Variants in TFAP2A observed in about 807,000 individuals in gnomAD.
TFAP2A encodes the protein transcription factor AP-2-alpha.
In TFAP2A, 7 loss-of-function variants were observed where a neutral mutation model predicts 41.5. That is an observed-to-expected ratio of 0.17 (90% confidence interval 0.10 to 0.32). TFAP2A has a LOEUF of 0.32. Among genes scored for constraint, TFAP2A ranks in the 10% least tolerant of loss-of-function variants. The probability of loss-of-function intolerance (pLI) is 1.00; values close to 1 mark genes in which losing one functional copy is unlikely to be tolerated. For synonymous variants in TFAP2A, 247 were observed against 242.8 expected (o/e 1.02, Z -0.16); for missense variants, 416 against 563.3 (o/e 0.74, Z 2.65).
chr6:10,404,420 C>T (rs1294397213), intron 4 of TFAP2A, 88 bp downstream of exon 4: 2 of 981,274 alleles, frequency 2.0e-6, no homozygotes, highest in Non-Finnish European at 1.4e-6. Flanking sequence ...GGCGCGAGGC[C>T]TGTTTGCGTC....
Position 10,402,413 on chromosome 6 carries a change from C to T in TFAP2A, c.889+79G>A, listed in dbSNP as rs772569602. ...GAAACTGCCCAACTGACATAAAATA[C>T]GACCAAACATCTGGCCACTAAATAT... On this transcript the variant is annotated intron_variant, in intron 5 of 6. Transcript: ENST00000379613. 5.3e-5 allele frequency: 56 copies of T among 1,060,470 alleles called. No individual in the cohort carries two copies. In the African/African-American group the frequency reaches 7.0e-4, roughly 13 times the overall value. 65.7% of individuals were successfully genotyped at this position (1,060,470 alleles called of 1,614,324 possible).
At chr6:10,405,541 A>G (rs1470305239) in intron 3 of TFAP2A, 2 of 152,002 alleles carry the variant, frequency 1.3e-5, no homozygotes, top group Non-Finnish European at 2.9e-5. Flanking sequence ...TATACTTCCT[A>G]GTTAAAACCA....
intron 5 of TFAP2A, chr6:10,402,242 T>C (rs1171433493): frequency 1.7e-6 from 1 of 579,704 alleles, no homozygotes; most frequent in African/African-American, 1.9e-5. Context: ...ACTTGTGCGT[T>C]GTTTAGCTCA....
At chr6:10,419,361 C>A (rs933316101), upstream of TFAP2A, 7 of 1,586,108 alleles carry the variant, frequency 4.4e-6, no homozygotes, top group South Asian at 6.6e-5. Context: ...CGCTCCGGCC[C>A]CCTCCCCTAC....
At position 10,414,997 on chromosome 6, in the gene TFAP2A, G is replaced by C. The variant is rs1163705685; in HGVS notation, c.-6C>G. 6.2e-7 allele frequency: 1 copy of C among 1,614,106 alleles called. No individual in the cohort carries two copies. The highest frequency in any genetic ancestry group is 1.1e-5 in the South Asian group (1 of 91,068). ...AATTTCCAAAGCATTTTCATGGATC[G>C]GCGTGAACGGATATGCCCCTCTCGG... On this transcript the variant is annotated 5_prime_UTR_variant, in exon 1 of 7. Coordinates refer to ENST00000379613, the MANE Select transcript of TFAP2A (RefSeq NM_001372066.1).
At chr6:10,414,439 T>G in intron 1 of TFAP2A, 1 of 258,556 alleles carries the variant, frequency 3.9e-6, no homozygotes. Context: ...GGGAACCGCT[T>G]TAGAAGTGGG....
At chr6:10,400,135 T>G (rs961236210) in intron 6 of TFAP2A, among the ~76,000 whole-genome samples, 7 of 151,956 alleles carry the variant, frequency 4.6e-5, no homozygotes, top group Admixed American at 4.6e-4. Context: ...GATTCTGGTC[T>G]TTCTGAAACA....
At chr6:10,407,492 TTTC>T (rs893837375) in intron 2 of TFAP2A, 1 of 150,696 alleles carries the variant, frequency 6.6e-6, no homozygotes, top group African/African-American at 2.4e-5. Context: ...TGTTTTTCTT[TTTC>T]TTTTCTTTTT....
At chr6:10,404,455 C>G in intron 4 of TFAP2A, 53 bp downstream of exon 4, 1 of 1,361,558 alleles carries the variant, frequency 7.3e-7, no homozygotes, top group Non-Finnish European at 9.6e-7. Flanking sequence ...GGCGCAAGCG[C>G]AGTGGTTCCC....
At chr6:10,419,491 G>A, upstream of TFAP2A, 2 of 1,613,930 alleles carry the variant, frequency 1.2e-6, no homozygotes, top group Admixed American at 1.7e-5. Context: ...CGCCGGGCAT[G>A]GGCTGGAGGG....
chr6:10,414,851 C>T, intron 1 of TFAP2A, 90 bp downstream of exon 1: 1 of 1,570,456 alleles, frequency 6.4e-7, no homozygotes. Flanking sequence ...ACCCGCGTTT[C>T]GCAGCTGGTT....
At chr6:10,400,763 G>A in intron 5 of TFAP2A, 174 bp from the exon 6 acceptor site, 1 of 798,414 alleles carries the variant, frequency 1.3e-6, no homozygotes, top group Non-Finnish European at 2.1e-6. Context: ...TCTGGTGGAT[G>A]CATTTATCAG....
chr6:10,408,238 G>C (rs1757802490), intron 2 of TFAP2A, among the ~76,000 whole-genome samples: 2 of 152,272 alleles, frequency 1.3e-5, no homozygotes, highest in South Asian at 4.1e-4. Context: ...TCCTTTGAAA[G>C]AATTTTTTTC....
intron 1 of TFAP2A, chr6:10,411,652 C>A (rs1561715240): frequency 1.2e-6 from 2 of 1,611,772 alleles, no homozygotes; most frequent in South Asian, 1.1e-5. Flanking sequence ...AAGCCTGGAG[C>A]GCCCGGCTGC....
chr6:10,405,973 C>G (rs1757697345), intron 3 of TFAP2A: 1 of 152,174 alleles, frequency 6.6e-6, no homozygotes, highest in Non-Finnish European at 1.5e-5. Context: ...GTGACAAAGA[C>G]TTCACAGATG....
intron 1 of TFAP2A, chr6:10,414,635 A>G (rs1043894612): frequency 3.0e-5 from 16 of 530,068 alleles, no homozygotes; most frequent in Non-Finnish European, 4.8e-5. Context: ...CCCAGTTGCC[A>G]GCAATTGCTT....
At position 10,409,966 on chromosome 6, in the gene TFAP2A, C is replaced by T. The variant is rs1757882910; in HGVS notation, c.421G>A (p.Ala141Thr). 8.2e-6 allele frequency: 13 copies of T among 1,580,346 alleles called. No individual in the cohort carries two copies. Among genetic ancestry groups the T allele is most frequent in the African/African-American group, 1.3e-5 (1 of 74,110 alleles). ...RHEDLLHGPHALSSGLGDLSI... is the reference protein window; with the variant it reads ...RHEDLLHGPHTLSSGLGDLSI... The stretch of plus-strand genomic sequence containing the variant: ...AGGTCTCCGAGTCCTGAGCTGAGCG[C>T]GTGTGGGCCGTGCAGGAGGTCCTCG... The change falls in exon 2 of 7, where the codon GCG becomes ACG. Residue 141 changes from alanine to threonine, a missense_variant. Physicochemically the swap from Ala to Thr is moderately conservative, Grantham distance 58 (BLOSUM62 0). Around this residue, in one of 3 missense-constraint regions of TFAP2A, gnomAD observed 241 missense variants for 274.1 expected, o/e 0.88. Coordinates refer to ENST00000379613, the MANE Select transcript of TFAP2A (RefSeq NM_001372066.1).
At chr6:10,407,936 C>T (rs895344570) in intron 2 of TFAP2A, 1 of 152,210 alleles carries the variant, frequency 6.6e-6, no homozygotes, top group African/African-American at 2.4e-5. Context: ...TCAGAAATGA[C>T]TACTGCTGCA....
chr6:10,398,844 C>CA lies in TFAP2A; in HGVS notation c.1032-140dup. 3 of 974,674 alleles carry CA rather than the reference C, an allele frequency of 3.1e-6. No individual in the cohort carries two copies. Among genetic ancestry groups the CA allele is most frequent in the Non-Finnish European group, 4.5e-6 (3 of 666,646 alleles). The allele number at this position is 974,674 out of a possible 1,614,324, so 60.4% of individuals were successfully genotyped here. On this transcript the variant is annotated intron_variant, in intron 6 of 6. Transcript: ENST00000379613. The surrounding 1 kb of genome is among the most constrained non-coding windows in gnomAD (Gnocchi z 5.3). Reference sequence around the variant, plus strand: ...CTGACATGACCCAAGACCCCAGAGACAGACAGTGTGGCCACATGTTGGGAG... The same window carrying CA: ...CTGACATGACCCAAGACCCCAGAGACAAGACAGTGTGGCCACATGTTGGGAG...
Sources: allele counts gnomAD v4.1 joint callset (sites outside exome capture counted in the v4.1 genomes callset), GRCh38; gene constraint gnomAD v4.1.1; regional missense constraint gnomAD v4.1.1; non-coding constraint Gnocchi (gnomAD v3.1); transcripts MANE v1.5; gene names NCBI Gene and HGNC (gene_info 2026-07-23, HGNC 2026-07-21).